Variants in RFX3 observed in about 807,000 individuals in gnomAD.
RFX3 encodes transcription factor RFX3.
A neutral mutation model predicts 98.6 loss-of-function variants in RFX3; 14 were observed. That is an observed-to-expected ratio of 0.14 (90% CI 0.09 to 0.22). RFX3 has a LOEUF of 0.22. Ranked by LOEUF, RFX3 falls within the 10% of genes least tolerant of loss-of-function variation. The probability of loss-of-function intolerance (pLI) is 1.00; values close to 1 mark genes in which losing one functional copy is unlikely to be tolerated. For synonymous variants in RFX3, 383 were observed against 328.4 expected, an observed-to-expected ratio of 1.17 and a Z score of -1.80; for missense variants, 639 against 926.9, an observed-to-expected ratio of 0.69 and a Z score of 4.03.
At chr9:3,248,011 A>C (rs148740376) in intron 15 of RFX3, 21 bp downstream of exon 15, 1 of 1,614,074 alleles carries the variant, frequency 6.2e-7, no homozygotes, top group Non-Finnish European at 8.5e-7. Flanking sequence ...AGTGGGTCAC[A>C]GCTCTTTCAG....
chr9:3,375,277 T>C (rs983205526), intron 2 of RFX3, among the ~76,000 whole-genome samples: 1 of 152,230 alleles, frequency 6.6e-6, no homozygotes, highest in Admixed American at 6.5e-5. Context: ...TAATACACTC[T>C]GGTCAGACAG....
chr9:3,311,609 G>C (rs991346567), intron 4 of RFX3, among the ~76,000 whole-genome samples: 7 of 152,304 alleles, frequency 4.6e-5, no homozygotes, highest in African/African-American at 1.7e-4. Context: ...ACAAGACCGG[G>C]CGTGGTGGCT....
intron 15 of RFX3, among the ~76,000 whole-genome samples, chr9:3,243,403 A>C (rs1313292367): frequency 6.6e-6 from 1 of 151,384 alleles, no homozygotes; most frequent in African/African-American, 2.4e-5. Context: ...TAGCATACTG[A>C]CATTTACAGG....
At chr9:3,358,201 T>C (rs916028446) in intron 2 of RFX3, among the ~76,000 whole-genome samples, 3 of 152,168 alleles carry the variant, frequency 2.0e-5, no homozygotes, top group Non-Finnish European at 4.4e-5. Context: ...TCCAAAGCAA[T>C]TAAGTTTAGA....
intron 7 of RFX3, among the ~76,000 whole-genome samples, chr9:3,280,076 C>T (rs1429140966): frequency 6.6e-6 from 1 of 151,680 alleles, no homozygotes; most frequent in African/African-American, 2.4e-5. Context: ...ATTCTAACCA[C>T]AAGAGTAAGG....
chr9:3,510,847 T>A (rs899849638), intron 1 of RFX3, among the ~76,000 whole-genome samples: 55 of 152,180 alleles, frequency 3.6e-4, no homozygotes, highest in Middle Eastern at 3.4e-3. Flanking sequence ...ATCTTCTATT[T>A]ACTTTTGAAA....
chr9:3,383,295 C>A (rs1010787662), intron 2 of RFX3, among the ~76,000 whole-genome samples: 9 of 152,118 alleles, frequency 5.9e-5, no homozygotes, highest in African/African-American at 2.2e-4. Flanking sequence ...ATCCTGGGTG[C>A]TCTTCTTTGC....
At chr9:3,388,484 G>A (rs1723452871) in intron 2 of RFX3, among the ~76,000 whole-genome samples, 1 of 152,064 alleles carries the variant, frequency 6.6e-6, no homozygotes, top group African/African-American at 2.4e-5. Flanking sequence ...TGTGTGATAG[G>A]CTGATACTAA....
intron 2 of RFX3, 79 bp downstream of exon 2, chr9:3,395,391 AAT>A (rs1235027536): frequency 3.3e-6 from 5 of 1,513,314 alleles, no homozygotes; most frequent in Non-Finnish European, 4.5e-6. Context: ...GTAAAGTTCA[AAT>A]AATTTTTGGA....
intron 11 of RFX3, 34 bp downstream of exon 11, chr9:3,270,337 C>A: frequency 6.3e-7 from 1 of 1,582,972 alleles, no homozygotes; most frequent in Non-Finnish European, 8.6e-7. Flanking sequence ...TGTATGAGAA[C>A]AAAAGCATCC....
chr9:3,257,519 C>T (rs1239750675), intron 13 of RFX3, among the ~76,000 whole-genome samples: 1 of 152,144 alleles, frequency 6.6e-6, no homozygotes, highest in African/African-American at 2.4e-5. Flanking sequence ...GAAGTCTGAA[C>T]CTACAGTAGG....
At chr9:3,287,168 G>A (rs1826726191) in intron 7 of RFX3, among the ~76,000 whole-genome samples, 3 of 151,794 alleles carry the variant, frequency 2.0e-5, no homozygotes, top group Admixed American at 1.3e-4. Context: ...AAATTACTGT[G>A]TGATATATTC....
chr9:3,254,098 C>T (rs1821784568), intron 14 of RFX3, among the ~76,000 whole-genome samples: 2 of 151,938 alleles, frequency 1.3e-5, no homozygotes, highest in African/African-American at 4.8e-5. Context: ...GCCAATTATC[C>T]TCAACTCAGG....
intron 11 of RFX3, among the ~76,000 whole-genome samples, chr9:3,267,884 T>G (rs114454412): frequency 0.018 from 2,673 of 152,022 alleles, 52 homozygotes; most frequent in African/African-American, 0.046. Flanking sequence ...ATTTTCCATT[T>G]TTCCTACAAT....
At chr9:3,232,844 G>A (rs964607227) in intron 15 of RFX3, among the ~76,000 whole-genome samples, 1 of 150,288 alleles carries the variant, frequency 6.7e-6, no homozygotes, top group Non-Finnish European at 1.5e-5. Context: ...GGAGGGAGGG[G>A]AAGGGAACAG....
chr9:3,406,701 C>T (rs1252372771), intron 1 of RFX3, among the ~76,000 whole-genome samples: 2 of 152,094 alleles, frequency 1.3e-5, no homozygotes, highest in African/African-American at 4.8e-5. Flanking sequence ...ATATTCTACA[C>T]AATTTTTTAA....
chr9:3,495,942 T>C (rs1005544071), intron 1 of RFX3, among the ~76,000 whole-genome samples: 1 of 152,056 alleles, frequency 6.6e-6, no homozygotes, highest in Non-Finnish European at 1.5e-5. Flanking sequence ...ACATAAACCA[T>C]ATTTTGTAAA....
chr9:3,382,559 T>C (rs927171797), intron 2 of RFX3, among the ~76,000 whole-genome samples: 2 of 152,168 alleles, frequency 1.3e-5, no homozygotes, highest in African/African-American at 4.8e-5. Context: ...AGTACCTGAT[T>C]TCTAATTTTT....
chr9:3,249,160 T>A (rs1821062102), intron 14 of RFX3, among the ~76,000 whole-genome samples: 1 of 152,188 alleles, frequency 6.6e-6, no homozygotes, highest in Non-Finnish European at 1.5e-5. Flanking sequence ...AAAACTCACC[T>A]ATGCCTCGTT....
Sources: allele counts gnomAD v4.1 joint callset (sites outside exome capture counted in the v4.1 genomes callset), GRCh38; gene constraint gnomAD v4.1.1; transcripts MANE v1.5; gene names NCBI Gene and HGNC (gene_info 2026-07-23, HGNC 2026-07-21).